Variants in CCDC178 observed in about 807,000 individuals in gnomAD.
CCDC178 encodes coiled-coil domain containing 178.
CCDC178 carries 126 observed loss-of-function variants against 117.4 expected under a neutral mutation model. The ratio of observed to expected loss-of-function variants is 1.07; its 90% CI spans 0.93 to 1.24. The LOEUF is 1.24. Among genes scored for constraint, CCDC178 ranks in the 50% most tolerant of loss-of-function variants. The pLI, the probability that CCDC178 is intolerant of heterozygous loss-of-function variation, is 0.00. For missense variants in CCDC178, 1,030 were observed against 986.9 expected, an observed-to-expected ratio of 1.04 and a Z score of -0.59; for synonymous variants, 283 against 313.4, an observed-to-expected ratio of 0.90 and a Z score of 1.02.
intron 22 of CCDC178, among the ~76,000 whole-genome samples, chr18:32,944,308 A>G (rs975952579): frequency 6.6e-6 from 1 of 152,200 alleles, no homozygotes; most frequent in African/African-American, 2.4e-5. Flanking sequence ...AAAAGCACGG[A>G]TCTATTTAGG....
intron 20 of CCDC178, among the ~76,000 whole-genome samples, chr18:33,095,654 C>T (rs1433203863): frequency 6.6e-6 from 1 of 151,680 alleles, no homozygotes; most frequent in East Asian, 1.9e-4. Flanking sequence ...ATATTGTGCC[C>T]TTTGGAACCA....
At chr18:33,377,787 A>G (rs1251326235) in intron 5 of CCDC178, among the ~76,000 whole-genome samples, 1 of 152,074 alleles carries the variant, frequency 6.6e-6, no homozygotes, top group East Asian at 1.9e-4. Context: ...TAGGTTCTCC[A>G]TTCTTTTCCA....
intron 21 of CCDC178, among the ~76,000 whole-genome samples, chr18:32,977,975 G>A (rs1357336027): frequency 2.6e-5 from 4 of 152,256 alleles, no homozygotes; most frequent in Non-Finnish European, 5.9e-5. Flanking sequence ...AAGTGGGAGC[G>A]CTTCAGCATG....
intron 20 of CCDC178, among the ~76,000 whole-genome samples, chr18:33,107,386 G>A (rs1335543042): frequency 6.6e-6 from 1 of 151,422 alleles, no homozygotes; most frequent in Non-Finnish European, 1.5e-5. Context: ...AGTATGTCAA[G>A]TGACTTTAGA....
At chr18:33,343,662 C>CA (rs773146352) in intron 9 of CCDC178, among the ~76,000 whole-genome samples, 175 of 151,944 alleles carry the variant, frequency 1.2e-3, no homozygotes, top group Non-Finnish European at 1.0e-3. Flanking sequence ...GCCCACAAAA[C>CA]AAAAAATCTA....
chr18:33,003,766 T>C (rs1427273347), intron 21 of CCDC178, among the ~76,000 whole-genome samples: 2 of 152,070 alleles, frequency 1.3e-5, no homozygotes, highest in African/African-American at 4.8e-5. Flanking sequence ...AATATAATCT[T>C]ATATTTGGAA....
intron 21 of CCDC178, among the ~76,000 whole-genome samples, chr18:33,044,028 T>TATAC (rs1555632597): frequency 2.0e-5 from 3 of 150,770 alleles, no homozygotes; most frequent in African/African-American, 7.3e-5. Flanking sequence ...ACAATATATA[T>TATAC]ACACACACAC....
chr18:33,242,398 AC>A (rs2059498597), intron 15 of CCDC178, among the ~76,000 whole-genome samples: 1 of 151,878 alleles, frequency 6.6e-6, no homozygotes, highest in African/African-American at 2.4e-5. Flanking sequence ...ACAAAAATAA[AC>A]AAATTACATT....
chr18:33,146,563 A>T (rs1207788856), intron 20 of CCDC178, among the ~76,000 whole-genome samples: 1 of 152,140 alleles, frequency 6.6e-6, no homozygotes, highest in East Asian at 1.9e-4. Flanking sequence ...GAGGCAGAGG[A>T]TCACTTGAAC....
intron 20 of CCDC178, among the ~76,000 whole-genome samples, chr18:33,170,375 A>C (rs2058584220): frequency 6.6e-6 from 1 of 152,144 alleles, no homozygotes; most frequent in Admixed American, 6.6e-5. Context: ...TGGATTCTTA[A>C]CCAAAAGAAC....
At chr18:32,970,083 C>A (rs183063737) in intron 22 of CCDC178, among the ~76,000 whole-genome samples, 3 of 151,884 alleles carry the variant, frequency 2.0e-5, no homozygotes, top group African/African-American at 7.3e-5. Flanking sequence ...AGCTCACTTT[C>A]GCTCATATTA....
chr18:33,337,134 G>C (rs1432083609), intron 9 of CCDC178, among the ~76,000 whole-genome samples: 6 of 123,902 alleles, frequency 4.8e-5, no homozygotes. Flanking sequence ...ATATTCCTAA[G>C]CTTTTTTTTT....
chr18:33,266,724 T>A (rs1046414102), intron 14 of CCDC178, among the ~76,000 whole-genome samples, 192 bp downstream of exon 14: 1 of 151,554 alleles, frequency 6.6e-6, no homozygotes, highest in Non-Finnish European at 1.5e-5. Context: ...CACACCAACA[T>A]GGCACATGTA....
At chr18:33,405,040 T>C (rs2063761603) in intron 3 of CCDC178, among the ~76,000 whole-genome samples, 1 of 152,062 alleles carries the variant, frequency 6.6e-6, no homozygotes, top group Non-Finnish European at 1.5e-5. Flanking sequence ...ATAGTGGTAA[T>C]GGCCACACAA....
chr18:33,093,405 A>C (rs945507007), intron 20 of CCDC178, among the ~76,000 whole-genome samples: 5 of 152,150 alleles, frequency 3.3e-5, no homozygotes, highest in Admixed American at 2.6e-4. Context: ...TAGATGAGGA[A>C]AGAGTAAAAG....
intron 2 of CCDC178, among the ~76,000 whole-genome samples, chr18:33,416,212 G>C (rs950879278): frequency 1.1e-4 from 16 of 152,146 alleles, no homozygotes; most frequent in African/African-American, 3.9e-4. Flanking sequence ...TGGATCATGA[G>C]GCCAGGAGTT....
intron 2 of CCDC178, among the ~76,000 whole-genome samples, chr18:33,415,836 A>C (rs926806366): frequency 2.0e-5 from 3 of 152,190 alleles, no homozygotes; most frequent in African/African-American, 4.8e-5. Flanking sequence ...CTCTGGGTGC[A>C]TTATATGTAA....
intron 20 of CCDC178, among the ~76,000 whole-genome samples, chr18:33,174,202 C>G (rs1208141296): frequency 6.6e-6 from 1 of 152,016 alleles, no homozygotes; most frequent in Non-Finnish European, 1.5e-5. Flanking sequence ...TTTTAAACGA[C>G]CAGATCTTGT....
intron 4 of CCDC178, among the ~76,000 whole-genome samples, chr18:33,392,620 C>A (rs2063578499): frequency 6.6e-6 from 1 of 152,126 alleles, no homozygotes; most frequent in Admixed American, 6.5e-5. Flanking sequence ...GAATCAAATT[C>A]TTGTGTAAGT....
Sources: allele counts gnomAD v4.1 joint callset (sites outside exome capture counted in the v4.1 genomes callset), GRCh38; gene constraint gnomAD v4.1.1; transcripts MANE v1.5; gene names NCBI Gene and HGNC (gene_info 2026-07-23, HGNC 2026-07-21).